Variants in IKBIP observed in about 807,000 individuals in gnomAD.
IKBIP encodes the protein inhibitor of nuclear factor kappa-B kinase-interacting protein.
Under a neutral mutation model 31.0 loss-of-function variants are expected in IKBIP, and 28 were observed. That is an observed-to-expected ratio of 0.90 (90% CI 0.67 to 1.24). IKBIP has a LOEUF of 1.24. IKBIP is among the 50% of genes most tolerant of loss of function. IKBIP has a pLI of 0.00. For synonymous variants in IKBIP, 164 were observed against 160.3 expected (o/e 1.02, Z -0.17); for missense variants, 453 against 441.9 (o/e 1.03, Z -0.23).
At chr12:98,614,583 T>A (rs998956019) in intron 2 of IKBIP, among the ~76,000 whole-genome samples, 1 of 149,590 alleles carries the variant, frequency 6.7e-6, no homozygotes, top group Non-Finnish European at 1.5e-5. Flanking sequence ...CGCCCCCACC[T>A]CAGCTAACTT....
intron 2 of IKBIP, 49 bp from the exon 3 acceptor site, chr12:98,626,815 T>C: frequency 7.0e-7 from 1 of 1,436,178 alleles, no homozygotes; most frequent in South Asian, 1.3e-5. Flanking sequence ...ATAATTTTCA[T>C]ATTAGAGAAA....
At chr12:98,641,867 C>G (rs1325100091) in intron 1 of IKBIP, among the ~76,000 whole-genome samples, 1 of 152,168 alleles carries the variant, frequency 6.6e-6, no homozygotes, top group East Asian at 1.9e-4. Flanking sequence ...GTTTCCCAGG[C>G]TGGTTTCAAA....
Position 98,630,214 on chromosome 12 carries a change from T to A in IKBIP, c.298-3448A>T, listed in dbSNP as rs141269006. ...TCCTGGCTAACACAGTGAAACCCCA[T>A]GTCTACTAAAAATACAAAAAATTAG... On this transcript the variant is annotated intron_variant, in intron 2 of 2. Coordinates refer to ENST00000299157, the MANE Select transcript of IKBIP (RefSeq NM_153687.4). 1.7e-4 allele frequency among the ~76,000 whole-genome samples: 26 copies of A among 151,884 alleles called. No homozygotes were observed. The East Asian group carries it at 5.0e-3, about 29-fold the overall frequency.
downstream of IKBIP, among the ~76,000 whole-genome samples, chr12:98,619,993 A>G (rs1376872201): frequency 6.7e-6 from 1 of 149,566 alleles, no homozygotes; most frequent in Non-Finnish European, 1.5e-5. Context: ...ATCTCTGCTC[A>G]CTGCAACCTC....
At chr12:98,615,521 C>T (rs1455634858) in intron 2 of IKBIP, among the ~76,000 whole-genome samples, 1 of 152,122 alleles carries the variant, frequency 6.6e-6, no homozygotes, top group Non-Finnish European at 1.5e-5. Context: ...TGAGCCATCG[C>T]GCCCGGCCTC....
chr12:98,626,398 T>A lies in IKBIP; in HGVS notation c.666A>T (p.Glu222Asp), dbSNP rs568078960. The A allele has an allele frequency of 1.9e-6, 3 of 1,607,650 alleles. No homozygotes were observed. The highest frequency in any genetic ancestry group is 2.7e-5 in the African/African-American group (2 of 75,014). ...NIRTVKRQEE[E>D]DLLRVEEQLG... Reference sequence around the variant, plus strand: ...GCTGCTCCTCTACTCGCAGGAGATCTTCTTCTTCTTGTCTTTTTACTGTTC... The same window carrying A: ...GCTGCTCCTCTACTCGCAGGAGATCATCTTCTTCTTGTCTTTTTACTGTTC... The change falls in exon 3 of 3, where the codon GAA (glutamate) becomes GAT (aspartate). Residue 222 changes from glutamate (E) to aspartate (D), a missense_variant. Coordinates refer to ENST00000299157, the MANE Select transcript of IKBIP (RefSeq NM_153687.4).
At chr12:98,638,653 T>G (rs191501258) in intron 1 of IKBIP, among the ~76,000 whole-genome samples, 21 of 152,224 alleles carry the variant, frequency 1.4e-4, no homozygotes, top group African/African-American at 5.1e-4. Context: ...AGCCTGATCA[T>G]AGCTTACTGC....
exon 3 of IKBIP, chr12:98,613,928 T>C (rs781195995): frequency 2.5e-6 from 4 of 1,613,798 alleles, no homozygotes; most frequent in South Asian, 2.2e-5. Flanking sequence ...GTTAATTCTT[T>C]GTGAATTTTC....
rs1353021558 is a variant in IKBIP, at chr12:98,626,100, G to C, written c.964C>G (p.Gln322Glu). The C allele has an allele frequency of 6.2e-7, 1 of 1,601,216 alleles. No individual in the cohort carries two copies. Among genetic ancestry groups the C allele is most frequent in the African/African-American group, 1.3e-5 (1 of 74,400 alleles). The change falls in exon 3 of 3, where the codon CAG becomes GAG. Residue 322 changes from glutamine to glutamate, a missense_variant. Physicochemically the swap from Gln to Glu is conservative, Grantham distance 29. Coordinates refer to ENST00000299157, the MANE Select transcript of IKBIP (RefSeq NM_153687.4). ...LKAVSEIMEM[Q>E]KTLEGIQYDN... ...TACTGAATTCCTTCAAGGGTTTTCT[G>C]CATCTCCATTATTTCAGACACTGCT...
chr12:98,613,957 C>T lies in IKBIP; in HGVS notation c.681G>A (p.Thr227=), dbSNP rs771776387. The T allele has an allele frequency of 1.4e-5, 23 of 1,613,374 alleles. No homozygotes were observed. The African/African-American group carries it at 2.4e-4, about 17-fold the overall frequency. ...AATTTTCAGATGCTGTCTTTCGGAG[C>T]GTTGCTGTTCGATCAATACTGCTTG... Residue 227 remains threonine (T), a synonymous_variant, in exon 3 of 3, where the codon ACG becomes ACA. Transcript: ENST00000342502.
chr12:98,621,309 T>G (rs1028580394), downstream of IKBIP, among the ~76,000 whole-genome samples: 17 of 152,196 alleles, frequency 1.1e-4, no homozygotes, highest in African/African-American at 4.1e-4. Context: ...GAATATGCAG[T>G]GGCAAAACCT....
At position 98,625,621 on chromosome 12, in the gene IKBIP, A is replaced by G. The variant is rs1189292855; in HGVS notation, c.*309T>C. On this transcript the variant is annotated 3_prime_UTR_variant, in exon 3 of 3. Coordinates refer to ENST00000299157, the MANE Select transcript of IKBIP (RefSeq NM_153687.4). ...CCTGGAGACATCAATATATGTGGGTACAATATAATAGGTGAAATTAATGAT... is the reference window on the plus strand; with the variant it reads ...CCTGGAGACATCAATATATGTGGGTGCAATATAATAGGTGAAATTAATGAT... The G allele has an allele frequency of 6.1e-6, 1 of 164,752 alleles. No homozygotes were observed. The highest frequency in any genetic ancestry group is 1.3e-5 in the Non-Finnish European group (1 of 77,062). 10.2% of individuals were successfully genotyped at this position (164,752 alleles called of 1,614,324 possible). A position where few individuals can be genotyped will look rare whatever the true frequency, so the allele number is the denominator to read the frequency against.
At chr12:98,634,946 T>G (rs2097624460) in intron 1 of IKBIP, among the ~76,000 whole-genome samples, 1 of 151,756 alleles carries the variant, frequency 6.6e-6, no homozygotes, top group Non-Finnish European at 1.5e-5. Context: ...CCTGACCTTG[T>G]GATCCACCTG....
chr12:98,633,510 C>CTTTTTTTTTTTTTTTTTT (rs71432181), intron 2 of IKBIP, among the ~76,000 whole-genome samples: 27 of 61,388 alleles, frequency 4.4e-4, no homozygotes, highest in Admixed American at 1.0e-3. Flanking sequence ...TTTTTTAATT[C>CTTTTTTTTTTTTTTTTTT]TTTTTTTTTT....
At chr12:98,631,628 A>G (rs61932023) in intron 2 of IKBIP, among the ~76,000 whole-genome samples, 8 of 147,918 alleles carry the variant, frequency 5.4e-5, no homozygotes, top group Admixed American at 5.4e-4. Context: ...CAAAAATTAG[A>G]CGGGTGTGGT....
chr12:98,632,974 C>T (rs1472990241), intron 2 of IKBIP, among the ~76,000 whole-genome samples: 1 of 152,044 alleles, frequency 6.6e-6, no homozygotes, highest in South Asian at 2.1e-4. Flanking sequence ...TCCTTTGCAG[C>T]TCCTTCCCCA....
chr12:98,636,882 C>T (rs1565843732), intron 1 of IKBIP, among the ~76,000 whole-genome samples: 1 of 151,256 alleles, frequency 6.6e-6, no homozygotes, highest in East Asian at 1.9e-4. Flanking sequence ...ATAAGAGTTG[C>T]CCTCCTCACG....
chr12:98,627,296 A>G (rs2097615456), intron 2 of IKBIP, among the ~76,000 whole-genome samples: 1 of 149,738 alleles, frequency 6.7e-6, no homozygotes, highest in South Asian at 2.1e-4. Flanking sequence ...AAAAAAAAAT[A>G]CACCTGAACA....
At chr12:98,633,852 C>T (rs2097623382) in intron 2 of IKBIP, among the ~76,000 whole-genome samples, 1 of 152,100 alleles carries the variant, frequency 6.6e-6, no homozygotes, top group Admixed American at 6.6e-5. Context: ...TACATATATC[C>T]TTAAAAAGCA....
Sources: gnomAD v4.1 joint callset for allele counts (sites outside exome capture counted in the v4.1 genomes callset) on GRCh38, gnomAD v4.1.1 for gene constraint, MANE v1.5 for transcripts, NCBI Gene and HGNC (gene_info 2026-07-23, HGNC 2026-07-21) for gene names.